The following MRAP2 variants were observed in gnomAD, a reference collection of about 807,000 sequenced individuals.
The protein encoded by MRAP2 is melanocortin-2 receptor accessory protein 2.
MRAP2 carries 20 observed loss-of-function variants against 17.4 expected under a neutral mutation model. The ratio of observed to expected loss-of-function variants is 1.15; its 90% CI spans 0.81 to 1.67. The LOEUF is 1.67. Ranked by LOEUF, MRAP2 falls within the 40% of genes most tolerant of loss-of-function variation. MRAP2 has a pLI of 0.00. For synonymous variants in MRAP2, 96 were observed against 88.4 expected (o/e 1.09, Z -0.48); for missense variants, 238 against 240.0 (o/e 0.99, Z 0.05).
At chr6:84,071,316 CT>C (rs2099496132) in intron 3 of MRAP2, among the ~76,000 whole-genome samples, 1 of 152,154 alleles carries the variant, frequency 6.6e-6, no homozygotes, top group South Asian at 2.1e-4. Context: ...CTGAAAAAGA[CT>C]GTATCTTTCC....
chr6:84,143,796 C>A, the MRAP2 span, among the ~76,000 whole-genome samples: 1 of 151,890 alleles, frequency 6.6e-6, no homozygotes, highest in Non-Finnish European at 1.5e-5. Context: ...CTTGGAGCAT[C>A]GGTCTGCTCT....
At chr6:84,101,634 C>T in the MRAP2 span, among the ~76,000 whole-genome samples, 2 of 152,108 alleles carry the variant, frequency 1.3e-5, no homozygotes, top group African/African-American at 4.8e-5. Context: ...TAGCACTAAT[C>T]TTTACTAAAG....
chr6:84,076,774 C>T (rs1271929465), intron 3 of MRAP2, among the ~76,000 whole-genome samples: 1 of 152,204 alleles, frequency 6.6e-6, no homozygotes, highest in Non-Finnish European at 1.5e-5. Context: ...CAGTTGTCAG[C>T]ATGCTAAGAC....
chr6:84,089,574 G>A lies in MRAP2; in HGVS notation c.*93G>A, dbSNP rs540100666. 1.4e-4 allele frequency: 205 copies of A among 1,416,380 alleles called. 3 individuals are homozygous for A. The South Asian group carries it at 2.5e-3, about 17-fold the overall frequency. 87.7% of individuals were successfully genotyped at this position (1,416,380 alleles called of 1,614,324 possible). On this transcript the variant is annotated 3_prime_UTR_variant, in exon 4 of 4. Transcript: ENST00000257776. Reference sequence around the variant, plus strand: ...TCCACCAAAATTGTGTGTGTTTGGGGGAGAGAGAGACATAGAGATAGAGAC... The same window carrying A: ...TCCACCAAAATTGTGTGTGTTTGGGAGAGAGAGAGACATAGAGATAGAGAC...
the MRAP2 span, among the ~76,000 whole-genome samples, chr6:84,126,702 A>G: frequency 6.6e-6 from 1 of 152,168 alleles, no homozygotes; most frequent in East Asian, 1.9e-4. Flanking sequence ...AGTTGACCTC[A>G]CATTCTAAGA....
chr6:84,092,998 T>G (rs771931239), downstream of MRAP2, among the ~76,000 whole-genome samples: 5 of 152,222 alleles, frequency 3.3e-5, no homozygotes, highest in Non-Finnish European at 7.3e-5. Flanking sequence ...TCTGGCTACA[T>G]TCTCTGGGCC....
intron 1 of MRAP2, chr6:84,045,338 C>T: frequency 3.0e-6 from 3 of 985,376 alleles, no homozygotes; most frequent in Non-Finnish European, 2.4e-6. Flanking sequence ...CAAATCTGCA[C>T]TGAAACCCTT....
At chr6:84,109,926 T>A in the MRAP2 span, among the ~76,000 whole-genome samples, 1 of 152,166 alleles carries the variant, frequency 6.6e-6, no homozygotes, top group East Asian at 1.9e-4. Context: ...GCAAAGGACA[T>A]GAACTCATCG....
chr6:84,076,056 AG>A (rs2099497513), intron 3 of MRAP2, among the ~76,000 whole-genome samples: 2 of 151,906 alleles, frequency 1.3e-5, no homozygotes, highest in South Asian at 4.2e-4. Context: ...ACTTTTGTTC[AG>A]GAGTTATTTT....
the MRAP2 span, among the ~76,000 whole-genome samples, chr6:84,129,649 T>G: frequency 6.6e-6 from 1 of 152,070 alleles, no homozygotes; most frequent in Non-Finnish European, 1.5e-5. Flanking sequence ...TTCACTCCGG[T>G]TTTTGCTGTG....
the MRAP2 span, among the ~76,000 whole-genome samples, chr6:84,117,025 T>C: frequency 9.5e-4 from 144 of 152,160 alleles, no homozygotes; most frequent in Non-Finnish European, 1.6e-3. Context: ...TTCTTCTTTC[T>C]TTCTATTTTT....
the MRAP2 span, among the ~76,000 whole-genome samples, chr6:84,101,821 A>G: frequency 1.3e-5 from 2 of 152,208 alleles, no homozygotes; most frequent in Non-Finnish European, 2.9e-5. Flanking sequence ...TATAGCAGTC[A>G]TTTGCCTTTA....
chr6:84,141,838 C>T, the MRAP2 span, among the ~76,000 whole-genome samples: 3 of 152,012 alleles, frequency 2.0e-5, no homozygotes, highest in South Asian at 2.1e-4. Flanking sequence ...ATATTTTGGG[C>T]CTCCATTACA....
the MRAP2 span, among the ~76,000 whole-genome samples, chr6:84,111,466 C>T: frequency 1.3e-5 from 2 of 152,186 alleles, no homozygotes; most frequent in South Asian, 4.1e-4. Flanking sequence ...TATACTGAGA[C>T]TTTGCTGAAG....
chr6:84,107,303 G>T, the MRAP2 span, among the ~76,000 whole-genome samples: 1 of 152,168 alleles, frequency 6.6e-6, no homozygotes, highest in Admixed American at 6.6e-5. Flanking sequence ...CTTCTTGGTT[G>T]TAGGAGCGGC....
intron 1 of MRAP2, among the ~76,000 whole-genome samples, chr6:84,043,602 C>G (rs1206458360): frequency 7.1e-6 from 1 of 140,138 alleles, no homozygotes; most frequent in South Asian, 2.4e-4. Context: ...GTTGTTTCTA[C>G]TGTCTATGTC....
downstream of MRAP2, among the ~76,000 whole-genome samples, chr6:84,095,726 A>C (rs1175065673): frequency 6.6e-6 from 1 of 152,204 alleles, no homozygotes; most frequent in Non-Finnish European, 1.5e-5. Context: ...GAAAGTCTTT[A>C]TGTCTAGGCC....
the MRAP2 span, among the ~76,000 whole-genome samples, chr6:84,112,083 G>A: frequency 2.6e-5 from 4 of 152,090 alleles, no homozygotes; most frequent in African/African-American, 9.7e-5. Context: ...CTGTGTTTCT[G>A]CCAGGTTTTG....
the MRAP2 span, chr6:84,125,422 C>A: frequency 2.9e-6 from 2 of 689,220 alleles, no homozygotes; most frequent in Admixed American, 2.7e-5. Flanking sequence ...CATTTTCTGT[C>A]TTCAAGGAGT....
Sources: allele counts gnomAD v4.1 joint callset (sites outside exome capture counted in the v4.1 genomes callset), GRCh38; gene constraint gnomAD v4.1.1; transcripts MANE v1.5; gene names NCBI Gene and HGNC (gene_info 2026-07-23, HGNC 2026-07-21).